MIPEP: variants seen among roughly 807,000 people sequenced by gnomAD.
MIPEP encodes mitochondrial intermediate peptidase.
A neutral mutation model predicts 90.3 loss-of-function variants in MIPEP; 79 were observed. The observed-to-expected ratio is 0.87, with a 90% confidence interval of 0.73 to 1.05. MIPEP has a LOEUF of 1.05. Among genes scored for constraint, MIPEP ranks in the 50% least tolerant of loss-of-function variants. The pLI, the probability that MIPEP is intolerant of heterozygous loss-of-function variation, is 0.00. For missense variants in MIPEP, 940 were observed against 905.6 expected (o/e 1.04, Z -0.49); for synonymous variants, 334 against 315.8 (o/e 1.06, Z -0.61).
rs748903423 is a variant in MIPEP at position 23,869,349 on chromosome 13, C to T, written c.886G>A (p.Val296Met). 1 of 1,613,244 alleles carries T rather than the reference C, an allele frequency of 6.2e-7. No homozygotes were observed. Among genetic ancestry groups the T allele is most frequent in the African/African-American group, 1.3e-5 (1 of 75,042 alleles). ...LSSRDLLAKL[V>M]GYSTFSHRAL... ...CTGTGAGAAAACGTGGAATACCCCA[C>T]CAACTTTGCCAGAAGATCTCTGCTG... Residue 296 changes from valine (V) to methionine (M), a missense_variant, in exon 7 of 19, where the codon GTG (valine) becomes ATG (methionine). Physicochemically the swap from Val to Met is conservative, Grantham distance 21 (BLOSUM62 1). Coordinates refer to ENST00000382172, the MANE Select transcript of MIPEP (RefSeq NM_005932.4).
At chr13:23,841,584 G>T (rs1869301081) in intron 10 of MIPEP, 96 bp from the exon 11 acceptor site, 2 of 1,307,238 alleles carry the variant, frequency 1.5e-6, no homozygotes, top group Non-Finnish European at 1.0e-6. Flanking sequence ...AAGATCACTG[G>T]AGCTAAAGAA....
intron 17 of MIPEP, among the ~76,000 whole-genome samples, chr13:23,759,718 C>A (rs559780043): frequency 2.0e-5 from 3 of 152,300 alleles, no homozygotes; most frequent in East Asian, 3.9e-4. Context: ...TGTTTTGCCT[C>A]CATTCTGTGG....
At chr13:23,782,764 TA>T (rs1195027071) in intron 16 of MIPEP, among the ~76,000 whole-genome samples, 2 of 152,070 alleles carry the variant, frequency 1.3e-5, no homozygotes, top group African/African-American at 4.8e-5. Flanking sequence ...TAAAAAATGA[TA>T]AAGGGGATAT....
intron 12 of MIPEP, among the ~76,000 whole-genome samples, chr13:23,839,332 C>T (rs7139972): frequency 0.99 from 150,528 of 152,318 alleles, 74,420 homozygotes; most frequent in East Asian, 1. Context: ...AAGGGTGAGG[C>T]GAACATTAAA....
chr13:23,836,789 A>G (rs1408509858), intron 13 of MIPEP, among the ~76,000 whole-genome samples: 6 of 152,266 alleles, frequency 3.9e-5, no homozygotes, highest in Admixed American at 2.0e-4. Flanking sequence ...AACAAAGTCA[A>G]TTCTCAGTGA....
At chr13:23,858,278 C>T (rs570603869) in intron 10 of MIPEP, among the ~76,000 whole-genome samples, 18 of 151,872 alleles carry the variant, frequency 1.2e-4, no homozygotes, top group African/African-American at 4.3e-4. Flanking sequence ...TACTTTTCTC[C>T]AATATAATAA....
Position 23,873,104 on chromosome 13 carries a change from T to C in MIPEP, c.603+1742A>G, listed in dbSNP as rs140494002. ...AAAATACGTTCGGATGAATACAAAA[T>C]TCCACCTGGGGGACTGATAAAAGCT... On this transcript the variant is annotated intron_variant, in intron 5 of 18. Coordinates refer to ENST00000382172, the MANE Select transcript of MIPEP (RefSeq NM_005932.4). 6.7e-3 allele frequency among the ~76,000 whole-genome samples: 1,024 copies of C among 152,242 alleles called. 22 individuals are homozygous for C. The highest frequency in any genetic ancestry group is 0.023 in the African/African-American group (967 of 41,524).
chr13:23,836,344 T>C lies in MIPEP; in HGVS notation c.1549A>G (p.Arg517Gly). Reference protein sequence around the residue: ...RTRYQHVTGTRCPTDFAEVPS... With the variant: ...RTRYQHVTGTGCPTDFAEVPS... Reference sequence around the variant, plus strand: ...ACCTCAGCAAAATCAGTAGGGCACCTGGTCCCTAAAACAAGAAAAAAAAAA... The same window carrying C: ...ACCTCAGCAAAATCAGTAGGGCACCCGGTCCCTAAAACAAGAAAAAAAAAA... The change falls in exon 14 of 19, where the codon AGG (arginine) becomes GGG (glycine). Residue 517 changes from arginine to glycine, a missense_variant. Transcript: ENST00000382172. The C allele has an allele frequency of 6.4e-7, 1 of 1,568,042 alleles. No homozygotes were observed. Among genetic ancestry groups the C allele is most frequent in the Non-Finnish European group, 8.6e-7 (1 of 1,162,870 alleles).
chr13:23,788,342 T>C (rs1223324301), intron 16 of MIPEP, among the ~76,000 whole-genome samples: 1 of 152,164 alleles, frequency 6.6e-6, no homozygotes, highest in Non-Finnish European at 1.5e-5. Flanking sequence ...AACCCTAAAA[T>C]CTCTGTGTTT....
intron 14 of MIPEP, among the ~76,000 whole-genome samples, chr13:23,819,815 C>T (rs1288991353): frequency 2.0e-5 from 3 of 152,052 alleles, no homozygotes; most frequent in Admixed American, 2.0e-4. Context: ...TCAAGACCAG[C>T]CTGGCCAACA....
intron 5 of MIPEP, among the ~76,000 whole-genome samples, chr13:23,872,496 C>T (rs989034358): frequency 5.9e-5 from 9 of 151,968 alleles, no homozygotes; most frequent in Non-Finnish European, 1.5e-5. Context: ...AATAAGAAAC[C>T]AACTGGAAAG....
chr13:23,858,370 A>G (rs1840583395), intron 10 of MIPEP, among the ~76,000 whole-genome samples: 1 of 150,882 alleles, frequency 6.6e-6, no homozygotes, highest in African/African-American at 2.4e-5. Context: ...ATCCTTCCAG[A>G]TGGACCAATA....
At chr13:23,805,898 G>A in intron 16 of MIPEP, 52 bp downstream of exon 16, 4 of 1,586,210 alleles carry the variant, frequency 2.5e-6, no homozygotes, top group South Asian at 1.1e-5. Context: ...AGCTACAGAA[G>A]TAATAGCAGA....
intron 1 of MIPEP, chr13:23,888,574 T>G: frequency 2.6e-6 from 1 of 385,630 alleles, no homozygotes; most frequent in Non-Finnish European, 3.5e-6. Context: ...CTATGGGAAG[T>G]GAGACTCGTC....
chr13:23,887,183 TAC>T (rs1223841450), intron 1 of MIPEP, among the ~76,000 whole-genome samples: 1 of 152,218 alleles, frequency 6.6e-6, no homozygotes, highest in African/African-American at 2.4e-5. Flanking sequence ...GCAAATTTTA[TAC>T]GTTACAAAGA....
At position 23,796,512 on chromosome 13, in the gene MIPEP, C is replaced by T. The variant is rs1401050030; in HGVS notation, c.1848+9438G>A. On this transcript the variant is annotated intron_variant, in intron 16 of 18. Coordinates refer to ENST00000382172, the MANE Select transcript of MIPEP (RefSeq NM_005932.4). Reference sequence around the variant, plus strand: ...TAGTAATAATATATTAAAGCATTAACACCAAAATTGTGCATAACAATGCCA... The same window carrying T: ...TAGTAATAATATATTAAAGCATTAATACCAAAATTGTGCATAACAATGCCA... 2.6e-5 allele frequency among the ~76,000 whole-genome samples: 4 copies of T among 151,912 alleles called. No homozygotes were observed. The South Asian group carries it at 6.2e-4, about 24-fold the overall frequency.
intron 1 of MIPEP, among the ~76,000 whole-genome samples, chr13:23,888,362 T>C (rs1347356127): frequency 3.3e-5 from 5 of 152,218 alleles, no homozygotes; most frequent in Non-Finnish European, 7.3e-5. Context: ...GACTTGTCTT[T>C]ATAAGGCAAT....
At chr13:23,803,947 A>T (rs1318655364) in intron 16 of MIPEP, among the ~76,000 whole-genome samples, 1 of 152,182 alleles carries the variant, frequency 6.6e-6, no homozygotes, top group Non-Finnish European at 1.5e-5. Flanking sequence ...AACAATTTAC[A>T]CAAAGAGCAA....
intron 9 of MIPEP, among the ~76,000 whole-genome samples, chr13:23,861,845 A>C (rs1174292010): frequency 1.3e-5 from 2 of 152,162 alleles, no homozygotes; most frequent in African/African-American, 2.4e-5. Context: ...AACAACACTT[A>C]AGTGTTTTTA....
Sources: gnomAD v4.1 joint callset for allele counts (sites outside exome capture counted in the v4.1 genomes callset) on GRCh38, gnomAD v4.1.1 for gene constraint, MANE v1.5 for transcripts, NCBI Gene and HGNC (gene_info 2026-07-23, HGNC 2026-07-21) for gene names.